NFATC2: variants seen among roughly 807,000 people sequenced by gnomAD.
The protein encoded by NFATC2 is nuclear factor of activated T-cells, cytoplasmic 2.
A neutral mutation model predicts 87.3 loss-of-function variants in NFATC2; 22 were observed. That is an observed-to-expected ratio of 0.25 (90% CI 0.18 to 0.36). NFATC2 has a LOEUF of 0.36. Among genes scored for constraint, NFATC2 ranks in the 10% least tolerant of loss-of-function variants. The pLI is 1.00. For synonymous variants in NFATC2, 565 were observed against 542.2 expected, an observed-to-expected ratio of 1.04 and a Z score of -0.58; for missense variants, 1,149 against 1,259.1, an observed-to-expected ratio of 0.91 and a Z score of 1.32.
chr20:51,452,387 C>T (rs1362964401), intron 6 of NFATC2, among the ~76,000 whole-genome samples: 1 of 152,192 alleles, frequency 6.6e-6, no homozygotes, highest in Non-Finnish European at 1.5e-5. Flanking sequence ...TTCTCTAAGC[C>T]TCCCCTTCTC....
At chr20:51,405,880 G>A (rs1302850502) in intron 9 of NFATC2, among the ~76,000 whole-genome samples, 11 of 152,164 alleles carry the variant, frequency 7.2e-5, no homozygotes, top group South Asian at 2.1e-4. Context: ...AGGTTCAAGC[G>A]ATTCTCCTGC....
intron 1 of NFATC2, among the ~76,000 whole-genome samples, chr20:51,551,859 C>T (rs1337232510): frequency 1.3e-5 from 2 of 151,670 alleles, no homozygotes; most frequent in African/African-American, 4.8e-5. Flanking sequence ...AACCCAATCT[C>T]TACTAAAAAT....
chr20:51,549,937 G>A lies in NFATC2; in HGVS notation c.70+12623C>T, dbSNP rs112682855. Among the ~76,000 whole-genome samples the A allele has an allele frequency of 2.6e-3, 398 of 152,192 alleles. 2 individuals carry two copies. The highest frequency in any genetic ancestry group is 8.8e-3 in the African/African-American group (367 of 41,516). On this transcript the variant is annotated intron_variant, in intron 1 of 10. Transcript: ENST00000414705. The stretch of plus-strand genomic sequence containing the variant: ...ACAAGAGGCGATGCATTTTCATTTC[G>A]CACAATGCCCTGAAAATTATGTAGC...
chr20:51,541,198 C>T (rs1274112829), intron 1 of NFATC2, among the ~76,000 whole-genome samples: 1 of 152,034 alleles, frequency 6.6e-6, no homozygotes, highest in East Asian at 1.9e-4. Flanking sequence ...AACATCAGGC[C>T]ACCAAGCCTC....
At chr20:51,437,841 C>G (rs1460939575) in intron 6 of NFATC2, among the ~76,000 whole-genome samples, 1 of 152,206 alleles carries the variant, frequency 6.6e-6, no homozygotes. Context: ...CTCCCCAACA[C>G]GCACAAATGC....
rs1002525576 is a variant in NFATC2, at chr20:51,542,685, A to AGCGGCGGCG, written c.-195_-187dup. ...GTCCTGGACGCGCCCGGGGAAGCTG[A>AGCGGCGGCG]GCGGCGGCGGCGACGGCGGCGCGAG... On this transcript the variant is annotated 5_prime_UTR_variant, in exon 1 of 11. Transcript: ENST00000371564. 4 of 1,022,758 alleles carry AGCGGCGGCG rather than the reference A, an allele frequency of 3.9e-6. No homozygotes were observed. The highest frequency in any genetic ancestry group is 4.7e-6 in the Non-Finnish European group (4 of 857,234). The allele number at this position is 1,022,758 out of a possible 1,614,324, so 63.4% of individuals were successfully genotyped here.
rs972323716 is a variant in NFATC2, at chr20:51,525,026, C to A, written c.131-916G>T. ...CTTGCGGTCAGGAGTTTGAGACCAG[C>A]CCGGCCAACATGGTGAAACCCCATC... On this transcript the variant is annotated intron_variant, in intron 1 of 10. Transcript: ENST00000371564. Among the ~76,000 whole-genome samples, 8 of 152,028 alleles carry A rather than the reference C, an allele frequency of 5.3e-5. No homozygotes were observed. In the East Asian group the frequency reaches 1.4e-3, roughly 26 times the overall value.
At chr20:51,449,681 G>A (rs1425453928) in intron 6 of NFATC2, among the ~76,000 whole-genome samples, 1 of 152,112 alleles carries the variant, frequency 6.6e-6, no homozygotes, top group Non-Finnish European at 1.5e-5. Context: ...CCAAGGTGTG[G>A]GGTCTAGAGC....
chr20:51,552,582 A>G (rs1281627704), intron 1 of NFATC2, among the ~76,000 whole-genome samples: 3 of 152,134 alleles, frequency 2.0e-5, no homozygotes, highest in Non-Finnish European at 4.4e-5. Flanking sequence ...CGTTAGTTGA[A>G]TATGCCACCC....
At chr20:51,405,083 A>G (rs150983740) in intron 9 of NFATC2, among the ~76,000 whole-genome samples, 11 of 152,244 alleles carry the variant, frequency 7.2e-5, no homozygotes, top group Non-Finnish European at 1.2e-4. Context: ...TGTGGCCAGG[A>G]AGGCACCAAG....
At chr20:51,553,430 C>T (rs1188269639) in intron 1 of NFATC2, among the ~76,000 whole-genome samples, 1 of 152,072 alleles carries the variant, frequency 6.6e-6, no homozygotes, top group Non-Finnish European at 1.5e-5. Flanking sequence ...AATCCCAGCA[C>T]TTTGGGAGGC....
chr20:51,398,738 A>G lies in NFATC2; in HGVS notation c.2723-8T>C, dbSNP rs1257418807. 1 of 1,595,026 alleles carries G rather than the reference A, an allele frequency of 6.3e-7. No homozygotes were observed. Among genetic ancestry groups the G allele is most frequent in the Non-Finnish European group, 8.6e-7 (1 of 1,165,514 alleles). On this transcript the variant is annotated splice_region_variant and splice_polypyrimidine_tract_variant and intron_variant, in intron 9 of 10. Coordinates refer to ENST00000371564, the MANE Select transcript of NFATC2 (RefSeq NM_012340.5). ...GGTGTGTGTCTATCAGCTCTGAAAA[A>G]GATTTGCAAAATCATTTTTGAGAAG... is the stretch of plus-strand genomic sequence containing the variant.
chr20:51,442,580 G>T (rs1188402977), intron 6 of NFATC2, among the ~76,000 whole-genome samples: 1 of 152,194 alleles, frequency 6.6e-6, no homozygotes, highest in Non-Finnish European at 1.5e-5. Flanking sequence ...TCATATGGTT[G>T]TACCTCCAGG....
rs751013473 is a variant in NFATC2, at chr20:51,523,633, G to A, written c.608C>T (p.Pro203Leu). 10 of 1,613,876 alleles carry A rather than the reference G, an allele frequency of 6.2e-6. No individual in the cohort carries two copies. The highest frequency in any genetic ancestry group is 1.3e-5 in the African/African-American group (1 of 75,048). The change falls in exon 2 of 11, where the codon CCG becomes CTG. Residue 203 changes from proline (P) to leucine (L), a missense_variant. Physicochemically the swap from Pro to Leu is moderately conservative, Grantham distance 98 (BLOSUM62 -3). Around this residue, in one of 3 missense-constraint regions of NFATC2, gnomAD observed 563 missense variants for 585.2 expected, o/e 0.96. Transcript: ENST00000371564. This position sits in a 1 kb window ranked among gnomAD's most constrained non-coding sequence, Gnocchi z 6.9. ...PNNGGPDDLC[P>L]QFQNIPAHYS... The stretch of plus-strand genomic sequence containing the variant: ...ATGAGCAGGGATGTTTTGAAACTGC[G>A]GACACAGGTCGTCGGGCCCGCCGTT...
chr20:51,447,044 G>A (rs929736667), intron 6 of NFATC2, among the ~76,000 whole-genome samples: 30 of 151,760 alleles, frequency 2.0e-4, no homozygotes, highest in Admixed American at 6.6e-5. Flanking sequence ...AGATGGTTCC[G>A]ATTGTTCCAG....
At chr20:51,466,924 T>A (rs1987742300) in intron 5 of NFATC2, among the ~76,000 whole-genome samples, 1 of 151,554 alleles carries the variant, frequency 6.6e-6, no homozygotes, top group African/African-American at 2.4e-5. Flanking sequence ...ATACAAGAAT[T>A]AGCTGGGCAT....
chr20:51,469,962 G>A (rs1988047836), intron 5 of NFATC2, among the ~76,000 whole-genome samples: 2 of 152,232 alleles, frequency 1.3e-5, no homozygotes, highest in Non-Finnish European at 2.9e-5. Flanking sequence ...AACATAAGAG[G>A]GAAGCAGGCG....
intron 9 of NFATC2, among the ~76,000 whole-genome samples, chr20:51,428,510 C>T (rs1038709084): frequency 2.0e-5 from 3 of 152,206 alleles, no homozygotes; most frequent in African/African-American, 4.8e-5. Flanking sequence ...CCAAGCCAGC[C>T]GGCGTCTGTG....
At chr20:51,502,870 T>C (rs531046164) in intron 3 of NFATC2, among the ~76,000 whole-genome samples, 1 of 152,308 alleles carries the variant, frequency 6.6e-6, no homozygotes, top group South Asian at 2.1e-4. Flanking sequence ...CTCAGTTTCA[T>C]GGGAAGAGCC....
Sources: gnomAD v4.1 joint callset for allele counts (sites outside exome capture counted in the v4.1 genomes callset) on GRCh38, gnomAD v4.1.1 for gene constraint, gnomAD v4.1.1 regional missense constraint, Gnocchi (gnomAD v3.1) non-coding constraint, MANE v1.5 for transcripts, NCBI Gene and HGNC (gene_info 2026-07-23, HGNC 2026-07-21) for gene names.